SPATA6: variants seen among roughly 807,000 people sequenced by gnomAD.
SPATA6 encodes the protein spermatogenesis-associated protein 6.
SPATA6 carries 56 observed loss-of-function variants against 65.3 expected under a neutral mutation model. The observed-to-expected ratio is 0.86, with a 90% CI of 0.69 to 1.07. The LOEUF (loss-of-function observed/expected upper bound fraction) is 1.07, where lower values mean the gene tolerates loss of function less well. Ranked by LOEUF, SPATA6 falls within the 50% of genes least tolerant of loss-of-function variation. The pLI, the probability that SPATA6 is intolerant of heterozygous loss-of-function variation, is 0.00. For missense variants in SPATA6, 590 were observed against 594.8 expected, an observed-to-expected ratio of 0.99 and a Z score of 0.08; for synonymous variants, 199 against 213.2, an observed-to-expected ratio of 0.93 and a Z score of 0.58.
At chr1:48,385,235 C>T in intron 9 of SPATA6, 74 bp downstream of exon 9, 1 of 1,268,356 alleles carries the variant, frequency 7.9e-7, no homozygotes, top group Non-Finnish European at 1.1e-6. Context: ...ATCTGATATA[C>T]ATATATATGA....
At chr1:48,381,592 TAA>T (rs1029075276) in intron 9 of SPATA6, among the ~76,000 whole-genome samples, 2 of 148,296 alleles carry the variant, frequency 1.3e-5, no homozygotes, top group African/African-American at 4.9e-5. Flanking sequence ...TTTAAGAAAA[TAA>T]ATAGTTTAAG....
At chr1:48,373,560 G>A (rs914148066) in intron 9 of SPATA6, among the ~76,000 whole-genome samples, 4 of 152,078 alleles carry the variant, frequency 2.6e-5, no homozygotes, top group African/African-American at 7.2e-5. Context: ...CCACATTTCC[G>A]GGTATCTTTT....
chr1:48,406,388 T>C (rs528620019), intron 5 of SPATA6, among the ~76,000 whole-genome samples: 30 of 152,314 alleles, frequency 2.0e-4, no homozygotes, highest in Admixed American at 3.3e-4. Flanking sequence ...TAATCACAAC[T>C]ATCAAATACT....
intron 9 of SPATA6, among the ~76,000 whole-genome samples, chr1:48,369,085 C>T (rs938014353): frequency 6.6e-6 from 1 of 152,152 alleles, no homozygotes; most frequent in Non-Finnish European, 1.5e-5. Flanking sequence ...TGGGTATCAG[C>T]AGTGGTGGCT....
At chr1:48,308,488 T>C (rs1404454649) in intron 11 of SPATA6, among the ~76,000 whole-genome samples, 4 of 152,136 alleles carry the variant, frequency 2.6e-5, no homozygotes, top group South Asian at 2.1e-4. Flanking sequence ...AAAGAGTTAC[T>C]GGCAAAAACT....
At chr1:48,349,294 C>G (rs1380440032) in intron 11 of SPATA6, among the ~76,000 whole-genome samples, 1 of 151,926 alleles carries the variant, frequency 6.6e-6, no homozygotes, top group Non-Finnish European at 1.5e-5. Flanking sequence ...TATTTAACAT[C>G]TTACAGTCTA....
At chr1:48,459,512 A>G (rs1409373142) in intron 1 of SPATA6, among the ~76,000 whole-genome samples, 3 of 152,226 alleles carry the variant, frequency 2.0e-5, no homozygotes, top group Admixed American at 1.3e-4. Context: ...TACACATTTG[A>G]ATTTCAGTAC....
the SPATA6 span, among the ~76,000 whole-genome samples, chr1:48,269,659 G>A: frequency 6.6e-6 from 1 of 152,024 alleles, no homozygotes; most frequent in African/African-American, 2.4e-5. Context: ...ATGAGGTTCA[G>A]AAGGTTGAAA....
At chr1:48,374,976 G>A (rs551402992) in intron 9 of SPATA6, among the ~76,000 whole-genome samples, 1 of 152,258 alleles carries the variant, frequency 6.6e-6, no homozygotes, top group African/African-American at 2.4e-5. Context: ...ATATCAACAG[G>A]TTATTCAGTT....
chr1:48,448,455 G>A (rs1319660048), intron 3 of SPATA6, among the ~76,000 whole-genome samples: 2 of 150,326 alleles, frequency 1.3e-5, no homozygotes, highest in Non-Finnish European at 3.0e-5. Flanking sequence ...TCAAAATGCA[G>A]GCACACAACA....
intron 7 of SPATA6, among the ~76,000 whole-genome samples, 174 bp from the exon 8 acceptor site, chr1:48,395,528 G>A (rs1038282671): frequency 2.0e-5 from 3 of 151,758 alleles, no homozygotes; most frequent in Non-Finnish European, 4.4e-5. Context: ...TTTGTTGTTC[G>A]TTGCAAAATA....
chr1:48,390,984 T>C (rs1351670572), intron 8 of SPATA6, among the ~76,000 whole-genome samples: 1 of 152,082 alleles, frequency 6.6e-6, no homozygotes, highest in Non-Finnish European at 1.5e-5. Flanking sequence ...TTTTCAAAAA[T>C]TAAAAATAAG....
intron 9 of SPATA6, among the ~76,000 whole-genome samples, chr1:48,372,521 T>C (rs1465036457): frequency 6.6e-6 from 1 of 152,222 alleles, no homozygotes; most frequent in Non-Finnish European, 1.5e-5. Context: ...ATTGTGTCTG[T>C]GGCTTTTGCA....
intron 12 of SPATA6, among the ~76,000 whole-genome samples, chr1:48,299,283 A>G (rs1262976685): frequency 6.6e-6 from 1 of 151,802 alleles, no homozygotes; most frequent in East Asian, 1.9e-4. Flanking sequence ...GGAGGCTGAG[A>G]CGAGCAAATC....
chr1:48,306,679 A>G (rs1210454711), intron 11 of SPATA6, among the ~76,000 whole-genome samples: 1 of 151,988 alleles, frequency 6.6e-6, no homozygotes, highest in African/African-American at 2.4e-5. Flanking sequence ...AGTATTAGTA[A>G]GGGGTTCATT....
chr1:48,319,699 G>C (rs1005558853), intron 11 of SPATA6, among the ~76,000 whole-genome samples: 1 of 152,096 alleles, frequency 6.6e-6, no homozygotes, highest in African/African-American at 2.4e-5. Context: ...ATTCACTGCA[G>C]AGCCCTGTTG....
chr1:48,325,810 CT>C (rs1329824954), intron 11 of SPATA6: 1 of 437,840 alleles, frequency 2.3e-6, no homozygotes, highest in Non-Finnish European at 4.5e-6. Context: ...TTTGCTGAGG[CT>C]TGTGAGGCTC....
chr1:48,462,342 A>G (rs1366247559), intron 1 of SPATA6, among the ~76,000 whole-genome samples: 1 of 152,172 alleles, frequency 6.6e-6, no homozygotes, highest in Non-Finnish European at 1.5e-5. Context: ...CTTAAAGTAC[A>G]ATAATAACAA....
chr1:48,284,075 G>A, the SPATA6 span, among the ~76,000 whole-genome samples: 2 of 152,034 alleles, frequency 1.3e-5, no homozygotes, highest in South Asian at 4.2e-4. Flanking sequence ...CCAATCAAAT[G>A]TAGGTTTGGT....
Sources: allele counts gnomAD v4.1 joint callset (sites outside exome capture counted in the v4.1 genomes callset), GRCh38; gene constraint gnomAD v4.1.1; transcripts MANE v1.5; gene names NCBI Gene and HGNC (gene_info 2026-07-23, HGNC 2026-07-21).